The following SERPINC1 variants were observed in gnomAD, a reference collection of about 807,000 sequenced individuals.
The protein encoded by SERPINC1 is antithrombin-III.
SERPINC1 carries 12 observed loss-of-function variants against 43.4 expected under a neutral mutation model. That is an observed-to-expected ratio of 0.28 (90% CI 0.18 to 0.45). The LOEUF (loss-of-function observed/expected upper bound fraction) is 0.45, where lower values mean the gene tolerates loss of function less well. Among genes scored for constraint, SERPINC1 ranks in the 20% least tolerant of loss-of-function variants. SERPINC1 has a pLI of 1.00. For synonymous variants in SERPINC1, 210 were observed against 218.9 expected (o/e 0.96, Z 0.36); for missense variants, 423 against 578.8 (o/e 0.73, Z 2.76).
At position 173,914,538 on chromosome 1, in the gene SERPINC1, G is replaced by T. The variant is rs1284807295; in HGVS notation, c.408+15C>A. On this transcript the variant is annotated intron_variant, in intron 2 of 6. Transcript: ENST00000367698. ...CTCCTAACAAGGTGGCTGGGCAGAA[G>T]ACCTTTGGTCGTACCTCCATCAGTT... 1 of 1,613,732 alleles carries T rather than the reference G, an allele frequency of 6.2e-7. No individual in the cohort carries two copies. Among genetic ancestry groups the T allele is most frequent in the Admixed American group, 1.7e-5 (1 of 60,034 alleles).
intron 6 of SERPINC1, among the ~76,000 whole-genome samples, chr1:173,905,668 C>G (rs142294819): frequency 4.1e-4 from 63 of 152,106 alleles, no homozygotes; most frequent in African/African-American, 1.4e-3. Context: ...TTGCAGTGAA[C>G]TGAGATCATA....
At chr1:173,910,712 A>C (rs768121032) in intron 4 of SERPINC1, 42 bp downstream of exon 4, 19 of 1,607,260 alleles carry the variant, frequency 1.2e-5, no homozygotes, top group Non-Finnish European at 1.6e-5. Context: ...GCTGAAGAGC[A>C]AGAGGAAGTC....
At chr1:173,913,854 CAAA>C (rs71707849) in intron 2 of SERPINC1, among the ~76,000 whole-genome samples, 3 of 90,280 alleles carry the variant, frequency 3.3e-5, no homozygotes, top group Admixed American at 1.3e-4. Flanking sequence ...GACTCCGTCT[CAAA>C]AAAAAAAAAA....
At chr1:173,906,152 T>C (rs1411453662) in intron 6 of SERPINC1, among the ~76,000 whole-genome samples, 1 of 152,222 alleles carries the variant, frequency 6.6e-6, no homozygotes, top group Non-Finnish European at 1.5e-5. Flanking sequence ...CAAATCTCAT[T>C]GTGCATAAGA....
rs540782435 is a variant in SERPINC1, at chr1:173,911,774, G to A, written c.624+25C>T. 2.9e-5 allele frequency: 45 copies of A among 1,574,060 alleles called. No homozygotes were observed. The South Asian group carries it at 4.8e-4, about 17-fold the overall frequency. The stretch of plus-strand genomic sequence containing the variant: ...CTGAGTGGAGAGGAAGAACTCGGAG[G>A]TCAGGGGTAACATCTGCAACTCACC... On this transcript the variant is annotated intron_variant, in intron 3 of 6. Coordinates refer to ENST00000367698, the MANE Select transcript of SERPINC1 (RefSeq NM_000488.4).
chr1:173,911,506 G>A (rs1338725083), intron 3 of SERPINC1, among the ~76,000 whole-genome samples: 3 of 152,188 alleles, frequency 2.0e-5, no homozygotes, highest in African/African-American at 7.2e-5. Flanking sequence ...AAGATATCTT[G>A]TAGAACTGGC....
intron 5 of SERPINC1, among the ~76,000 whole-genome samples, chr1:173,908,213 A>G (rs1342611812): frequency 1.3e-5 from 2 of 151,234 alleles, no homozygotes; most frequent in Non-Finnish European, 3.0e-5. Context: ...ACAGCCCAAT[A>G]GCACAGTGGC....
At chr1:173,910,945 C>T in intron 3 of SERPINC1, 54 bp from the exon 4 acceptor site, 2 of 1,594,838 alleles carry the variant, frequency 1.3e-6, no homozygotes, top group Non-Finnish European at 1.7e-6. Context: ...TTGGCTTCTC[C>T]ATTTTCCCAG....
At chr1:173,914,516 C>T in intron 2 of SERPINC1, 37 bp downstream of exon 2, 1 of 1,613,014 alleles carries the variant, frequency 6.2e-7, no homozygotes, top group Non-Finnish European at 8.5e-7. Flanking sequence ...AAAGGTGCTC[C>T]TAACAAGGTG....
rs2227606 is a variant in SERPINC1 at position 173,911,984 on chromosome 1, T to C, written c.439A>G (p.Thr147Ala). 527 of 1,614,064 alleles carry C rather than the reference T, an allele frequency of 3.3e-4. 3 individuals carry two copies. The African/African-American group carries it at 6.5e-3, about 20-fold the overall frequency. The change falls in exon 3 of 7, where the codon ACA (threonine) becomes GCA (alanine). Residue 147 changes from threonine to alanine, a missense_variant. Thr to Ala is a moderately conservative substitution (Grantham distance 58). Transcript: ENST00000367698. ...AAGAAGAAGTGGATCTGATCAGATG[T>C]TTTCTCAGATATGGTGTCAAACTTA... The part of the protein sequence containing the change: ...VFKFDTISEK[T>A]SDQIHFFFAK...
At position 173,914,793 on chromosome 1, in the gene SERPINC1, G is replaced by A. The variant is rs1257589742; in HGVS notation, c.168C>T (p.Arg56=). The A allele has an allele frequency of 1.9e-6, 3 of 1,614,004 alleles. No individual in the cohort carries two copies. The highest frequency in any genetic ancestry group is 2.7e-5 in the African/African-American group (2 of 74,928). ...DIPMNPMCIY[R]SPEKKATEDE... ...CCTCAGTTGCCTTCTTCTCCGGGGA[G>A]CGGTAAATGCACATGGGATTCATGG... The change falls in exon 2 of 7, where the codon CGC becomes CGT. Residue 56 remains arginine (R), a synonymous_variant. Transcript: ENST00000367698.
chr1:173,905,971 G>A (rs1657487846), intron 6 of SERPINC1, among the ~76,000 whole-genome samples: 1 of 152,152 alleles, frequency 6.6e-6, no homozygotes, highest in Admixed American at 6.5e-5. Context: ...TTTCCTCTGA[G>A]TTTGATCCCT....
At chr1:173,907,550 GA>G in intron 5 of SERPINC1, 36 bp from the exon 6 acceptor site, 1 of 1,550,932 alleles carries the variant, frequency 6.4e-7, no homozygotes, top group Non-Finnish European at 8.9e-7. Flanking sequence ...TGTGAGATGG[GA>G]GAAAGTTGGC....
chr1:173,910,377 G>T (rs1657717019), intron 4 of SERPINC1, among the ~76,000 whole-genome samples: 1 of 152,088 alleles, frequency 6.6e-6, no homozygotes. Context: ...AGGAGATCAA[G>T]ACTATCCTGG....
At chr1:173,906,636 T>C (rs1478325835) in intron 6 of SERPINC1, among the ~76,000 whole-genome samples, 1 of 132,576 alleles carries the variant, frequency 7.5e-6, no homozygotes, top group Non-Finnish European at 1.6e-5. Flanking sequence ...GTCTCCAAAC[T>C]TTTTTTTTTT....
At chr1:173,905,105 A>G (rs966435585) in intron 6 of SERPINC1, among the ~76,000 whole-genome samples, 15 of 152,298 alleles carry the variant, frequency 9.8e-5, no homozygotes, top group African/African-American at 3.4e-4. Context: ...TGAGTTGACC[A>G]CTTCTAACTG....
rs1281512573 is a variant in SERPINC1, at chr1:173,907,445, C to T, written c.1218+5G>A. On this transcript the variant is annotated splice_donor_5th_base_variant and intron_variant, in intron 6 of 6. Transcript: ENST00000367698. The stretch of plus-strand genomic sequence containing the variant: ...ACCCTAAGAGAGTGGGGAAGGTGTA[C>T]TCACCTCAAGAAATGCCTTATGGAA... 1 of 1,604,550 alleles carries T rather than the reference C, an allele frequency of 6.2e-7. No individual in the cohort carries two copies. The highest frequency in any genetic ancestry group is 1.7e-5 in the Admixed American group (1 of 60,002).
intron 1 of SERPINC1, chr1:173,915,142 A>G: frequency 1.4e-6 from 2 of 1,426,806 alleles, no homozygotes; most frequent in Middle Eastern, 5.2e-4. Context: ...TGGAATTAGA[A>G]TCATCTGATG....
intron 1 of SERPINC1, among the ~76,000 whole-genome samples, chr1:173,916,562 G>A (rs536361476): frequency 1.3e-5 from 2 of 151,930 alleles, no homozygotes; most frequent in East Asian, 3.9e-4. Flanking sequence ...CATCTCCACT[G>A]CCTTCGGTTG....
Sources: allele counts gnomAD v4.1 joint callset (sites outside exome capture counted in the v4.1 genomes callset), GRCh38; gene constraint gnomAD v4.1.1; transcripts MANE v1.5; gene names NCBI Gene and HGNC (gene_info 2026-07-23, HGNC 2026-07-21).